Variants in ZNF430 observed in about 807,000 individuals in gnomAD.
ZNF430 encodes the protein zinc finger protein 430.
In ZNF430, 35 loss-of-function variants were observed where a neutral mutation model predicts 56.7. That is an observed-to-expected ratio of 0.62 (90% confidence interval 0.47 to 0.82). The LOEUF (loss-of-function observed/expected upper bound fraction) is 0.82, where lower values mean the gene tolerates loss of function less well. Among genes scored for constraint, ZNF430 ranks in the 40% least tolerant of loss-of-function variants. The probability of loss-of-function intolerance (pLI) is 0.00; values close to 1 mark genes in which losing one functional copy is unlikely to be tolerated. For missense variants in ZNF430, 574 were observed against 661.0 expected, an observed-to-expected ratio of 0.87 and a Z score of 1.44; for synonymous variants, 212 against 224.3, an observed-to-expected ratio of 0.94 and a Z score of 0.49.
chr19:21,035,595 A>G (rs1250757381), intron 4 of ZNF430: 1 of 215,102 alleles, frequency 4.6e-6, no homozygotes, highest in Non-Finnish European at 9.9e-6. Flanking sequence ...GTAGTTTTGC[A>G]TTAGTGTCTG....
chr19:21,041,906 G>A (rs778335223), intron 4 of ZNF430, among the ~76,000 whole-genome samples: 11 of 152,120 alleles, frequency 7.2e-5, no homozygotes, highest in Admixed American at 1.3e-4. Context: ...TAGAGATGGG[G>A]TTTCGCCACA....
intron 2 of ZNF430, among the ~76,000 whole-genome samples, chr19:21,032,731 GA>G (rs560112293): frequency 7.6e-5 from 11 of 145,580 alleles, no homozygotes; most frequent in African/African-American, 1.0e-4. Context: ...CCATCTCAAA[GA>G]AAAAAAAAAG....
intron 4 of ZNF430, among the ~76,000 whole-genome samples, chr19:21,051,032 A>G (rs1379973584): frequency 6.6e-6 from 1 of 152,178 alleles, no homozygotes; most frequent in African/African-American, 2.4e-5. Flanking sequence ...CGTCTGAAAA[A>G]AATAAAATAT....
At chr19:21,024,636 C>T (rs866656756) in intron 2 of ZNF430, among the ~76,000 whole-genome samples, 2 of 151,962 alleles carry the variant, frequency 1.3e-5, no homozygotes, top group East Asian at 1.9e-4. Flanking sequence ...AAAAATCAGC[C>T]GGGCGTGGTC....
intron 2 of ZNF430, among the ~76,000 whole-genome samples, chr19:21,031,800 G>A (rs7247708): frequency 0.049 from 7,435 of 152,180 alleles, 587 homozygotes; most frequent in African/African-American, 0.17. Flanking sequence ...TCTGCTTCAT[G>A]GAATGCCATG....
Position 21,056,731 on chromosome 19 carries a change from A to G in ZNF430, c.423A>G (p.Glu141=), listed in dbSNP as rs1304959657. 6.2e-7 allele frequency: 1 copy of G among 1,611,102 alleles called. No individual in the cohort carries two copies. The highest frequency in any genetic ancestry group is 1.1e-5 in the South Asian group (1 of 90,338). Residue 141 remains glutamate, a synonymous_variant, in exon 5 of 5, where the codon GAA becomes GAG. Transcript: ENST00000261560. ...GAAGATATGGAAAATGTGGACATGAAGATTTACAGTTAAGAACAGGCTGTA... is the reference window on the plus strand; with the variant it reads ...GAAGATATGGAAAATGTGGACATGAGGATTTACAGTTAAGAACAGGCTGTA... ...ILRRYGKCGH[E]DLQLRTGCKS...
chr19:21,032,084 G>A (rs1202404865), intron 2 of ZNF430, among the ~76,000 whole-genome samples: 3 of 151,898 alleles, frequency 2.0e-5, no homozygotes, highest in African/African-American at 7.3e-5. Context: ...CCTATTGGGG[G>A]AAAGCTGGGG....
At chr19:21,031,418 T>C (rs1967899482) in intron 2 of ZNF430, among the ~76,000 whole-genome samples, 1 of 151,990 alleles carries the variant, frequency 6.6e-6, no homozygotes, top group Admixed American at 6.6e-5. Context: ...TTGGGTTTGG[T>C]AGGGACAGGG....
chr19:21,054,438 T>G (rs1183148327), intron 4 of ZNF430, among the ~76,000 whole-genome samples: 1 of 151,970 alleles, frequency 6.6e-6, no homozygotes, highest in East Asian at 1.9e-4. Flanking sequence ...ATAGCTATTT[T>G]TTTCAGGACT....
intron 2 of ZNF430, among the ~76,000 whole-genome samples, chr19:21,024,711 T>C (rs2081052): frequency 0.8 from 121,661 of 151,370 alleles, 50,986 homozygotes; most frequent in Middle Eastern, 0.93. Flanking sequence ...ACCCAGGAGG[T>C]GGAGCTGGCA....
At chr19:21,025,788 A>G (rs1212687584) in intron 2 of ZNF430, 1 of 159,228 alleles carries the variant, frequency 6.3e-6, no homozygotes, top group Admixed American at 7.0e-5. Flanking sequence ...TTTCAGTCCA[A>G]TCAGTTTACT....
chr19:21,034,886 T>C (rs1967970407), intron 4 of ZNF430: 1 of 152,244 alleles, frequency 6.6e-6, no homozygotes, highest in African/African-American at 2.4e-5. Context: ...AAATGTGTAA[T>C]AGTAGTGGTT....
At chr19:21,045,464 T>TAG (rs2144777925) in intron 4 of ZNF430, among the ~76,000 whole-genome samples, 1 of 152,326 alleles carries the variant, frequency 6.6e-6, no homozygotes, top group Non-Finnish European at 1.5e-5. Flanking sequence ...TTCTTTTGCA[T>TAG]TTGCTAAGGA....
At chr19:21,039,628 G>A (rs1014649289) in intron 4 of ZNF430, among the ~76,000 whole-genome samples, 13 of 151,616 alleles carry the variant, frequency 8.6e-5, no homozygotes, top group African/African-American at 2.7e-4. Context: ...CATTATGCCC[G>A]GCTAATTTTT....
intron 4 of ZNF430, among the ~76,000 whole-genome samples, chr19:21,047,368 TG>T (rs1397226964): frequency 6.6e-6 from 1 of 152,226 alleles, no homozygotes; most frequent in African/African-American, 2.4e-5. Context: ...CCCAGTTCTG[TG>T]CCCTTCCTGG....
chr19:21,038,405 G>C (rs867174153), intron 4 of ZNF430, among the ~76,000 whole-genome samples: 3 of 151,972 alleles, frequency 2.0e-5, no homozygotes, highest in Admixed American at 6.6e-5. Context: ...ATATTACACT[G>C]TTTTTGTTAC....
intron 3 of ZNF430, 69 bp from the exon 4 acceptor site, chr19:21,034,017 A>AC: frequency 8.5e-7 from 1 of 1,180,180 alleles, no homozygotes; most frequent in East Asian, 2.4e-5. Context: ...CATCCTCTTT[A>AC]CTAAGCACAG....
chr19:21,034,439 C>T (rs906309284), intron 4 of ZNF430: 15 of 330,844 alleles, frequency 4.5e-5, no homozygotes, highest in Admixed American at 4.5e-5. Context: ...GCATGCGAGA[C>T]TCACAATCTG....
intron 2 of ZNF430, among the ~76,000 whole-genome samples, chr19:21,028,520 G>A (rs759062479): frequency 1.3e-5 from 2 of 152,120 alleles, no homozygotes; most frequent in Non-Finnish European, 2.9e-5. Flanking sequence ...TTATCATTGG[G>A]CCATCAGCCC....
Sources: gnomAD v4.1 joint callset for allele counts (sites outside exome capture counted in the v4.1 genomes callset) on GRCh38, gnomAD v4.1.1 for gene constraint, MANE v1.5 for transcripts, NCBI Gene and HGNC (gene_info 2026-07-23, HGNC 2026-07-21) for gene names.